XRCC4: variants seen among roughly 807,000 people sequenced by gnomAD.
XRCC4 encodes the protein DNA repair protein XRCC4.
A neutral mutation model predicts 39.1 loss-of-function variants in XRCC4; 28 were observed. The ratio of observed to expected loss-of-function variants is 0.72; its 90% CI spans 0.53 to 0.98. The LOEUF is 0.98. XRCC4 is among the 50% of genes least tolerant of loss of function. XRCC4 has a pLI of 0.00. For synonymous variants in XRCC4, 123 were observed against 126.4 expected, an observed-to-expected ratio of 0.97 and a Z score of 0.18; for missense variants, 350 against 376.4, an observed-to-expected ratio of 0.93 and a Z score of 0.58.
chr5:83,184,020 G>T (rs538453919), intron 3 of XRCC4, among the ~76,000 whole-genome samples: 1 of 152,110 alleles, frequency 6.6e-6, no homozygotes, highest in South Asian at 2.1e-4. Flanking sequence ...GAATTGAAAT[G>T]TATTTTTAGA....
At chr5:83,301,851 G>A (rs988327823) in intron 7 of XRCC4, among the ~76,000 whole-genome samples, 5 of 152,102 alleles carry the variant, frequency 3.3e-5, no homozygotes, top group Non-Finnish European at 7.4e-5. Flanking sequence ...CCCATTGCTT[G>A]TTTTTTCAGG....
At chr5:83,313,162 A>G (rs1755765090) in intron 7 of XRCC4, among the ~76,000 whole-genome samples, 1 of 151,886 alleles carries the variant, frequency 6.6e-6, no homozygotes, top group Non-Finnish European at 1.5e-5. Flanking sequence ...CCATAAATTG[A>G]AAAGTAAAAG....
chr5:83,117,934 C>T (rs1209473560), intron 3 of XRCC4, among the ~76,000 whole-genome samples: 1 of 151,494 alleles, frequency 6.6e-6, no homozygotes, highest in African/African-American at 2.4e-5. Flanking sequence ...GCATTGTGCC[C>T]CTCCCTGTGT....
chr5:83,276,928 A>G (rs1754355721), intron 7 of XRCC4, among the ~76,000 whole-genome samples: 1 of 152,220 alleles, frequency 6.6e-6, no homozygotes. Flanking sequence ...TTGTTTACTT[A>G]TGAATTTTCA....
At chr5:83,116,811 G>A (rs144145036) in intron 3 of XRCC4, among the ~76,000 whole-genome samples, 1,868 of 151,948 alleles carry the variant, frequency 0.012, 34 homozygotes, top group African/African-American at 0.041. Flanking sequence ...TAGTAGAGAC[G>A]GGGTTGTGCC....
intron 3 of XRCC4, among the ~76,000 whole-genome samples, chr5:83,147,003 A>G (rs546040465): frequency 1.3e-5 from 2 of 152,322 alleles, no homozygotes; most frequent in African/African-American, 2.4e-5. Flanking sequence ...CTGAAGTCAG[A>G]TGGTCCTGAC....
In XRCC4 at chr5:83,092,685, T is replaced by A. The variant is rs187799949; in HGVS notation, c.-10-12225T>A. Among the ~76,000 whole-genome samples the A allele has an allele frequency of 8.5e-4, 130 of 152,250 alleles. No individual in the cohort carries two copies. In the Middle Eastern group the frequency reaches 0.01, roughly 12 times the overall value. Reference sequence around the variant, plus strand: ...GGTGTTGAGTTGTATTTAATCAATGTTAAGCTGCTATCAGGTTAAAATAGA... The same window carrying A: ...GGTGTTGAGTTGTATTTAATCAATGATAAGCTGCTATCAGGTTAAAATAGA... On this transcript the variant is annotated intron_variant, in intron 1 of 7. Transcript: ENST00000396027.
At chr5:83,082,566 T>A (rs887225454) in intron 1 of XRCC4, among the ~76,000 whole-genome samples, 6 of 152,196 alleles carry the variant, frequency 3.9e-5, no homozygotes, top group African/African-American at 1.4e-4. Context: ...TAAAAACCTT[T>A]CGTGAATCAT....
chr5:83,161,591 C>A (rs888308084), intron 3 of XRCC4, among the ~76,000 whole-genome samples: 1 of 152,102 alleles, frequency 6.6e-6, no homozygotes, highest in Non-Finnish European at 1.5e-5. Flanking sequence ...TGTTTCATTT[C>A]AATTCAAATT....
chr5:83,213,073 G>A (rs1443897018), intron 6 of XRCC4, among the ~76,000 whole-genome samples: 1 of 151,280 alleles, frequency 6.6e-6, no homozygotes, highest in African/African-American at 2.4e-5. Flanking sequence ...AGCAATGAAG[G>A]ACAGAAGGCA....
intron 6 of XRCC4, among the ~76,000 whole-genome samples, chr5:83,240,417 C>T (rs1473567212): frequency 2.0e-5 from 3 of 152,086 alleles, no homozygotes; most frequent in African/African-American, 7.2e-5. Context: ...TGAACTAAAA[C>T]AGTATCCTCA....
chr5:83,194,880 G>T (rs1007689356), intron 3 of XRCC4, among the ~76,000 whole-genome samples: 1 of 152,040 alleles, frequency 6.6e-6, no homozygotes, highest in Non-Finnish European at 1.5e-5. Flanking sequence ...TGAGTTTACT[G>T]ATCTATAATG....
chr5:83,287,719 A>G (rs921267165), intron 7 of XRCC4, among the ~76,000 whole-genome samples: 1 of 151,872 alleles, frequency 6.6e-6, no homozygotes, highest in Non-Finnish European at 1.5e-5. Flanking sequence ...AATGCATGTC[A>G]TATATTCATC....
intron 7 of XRCC4, chr5:83,310,873 A>C (rs1193747232): frequency 1.1e-5 from 5 of 456,382 alleles, no homozygotes; most frequent in South Asian, 7.7e-5. Context: ...GCTGCCTTTG[A>C]ATAAGGAGGA....
intron 3 of XRCC4, among the ~76,000 whole-genome samples, chr5:83,142,796 A>G (rs532695264): frequency 3.3e-5 from 5 of 152,292 alleles, no homozygotes; most frequent in East Asian, 1.9e-4. Context: ...TCATTTGTAC[A>G]TTGTTTTAAA....
intron 1 of XRCC4, among the ~76,000 whole-genome samples, chr5:83,087,620 GCCACTGTA>G (rs200741380): frequency 0.021 from 3,140 of 151,992 alleles, 40 homozygotes; most frequent in Non-Finnish European, 0.028. Flanking sequence ...CCGAGATGGT[GCCACTGTA>G]CTCCAGTCTG....
intron 3 of XRCC4, among the ~76,000 whole-genome samples, chr5:83,139,387 G>A (rs1405104494): frequency 3.3e-5 from 5 of 152,132 alleles, no homozygotes; most frequent in Non-Finnish European, 1.5e-5. Flanking sequence ...TACTGTGGGT[G>A]ATATTAACTT....
intron 3 of XRCC4, among the ~76,000 whole-genome samples, chr5:83,171,519 A>G (rs911704234): frequency 1.3e-5 from 2 of 152,172 alleles, no homozygotes; most frequent in Admixed American, 6.6e-5. Flanking sequence ...CTCTTGGAAA[A>G]TTAGAAATCT....
chr5:83,136,698 GA>G (rs1747913999), intron 3 of XRCC4, among the ~76,000 whole-genome samples: 2 of 151,820 alleles, frequency 1.3e-5, no homozygotes. Context: ...TTATTGCATA[GA>G]AAAAAAATTT....
Sources: gnomAD v4.1 joint callset for allele counts (sites outside exome capture counted in the v4.1 genomes callset) on GRCh38, gnomAD v4.1.1 for gene constraint, MANE v1.5 for transcripts, NCBI Gene and HGNC (gene_info 2026-07-23, HGNC 2026-07-21) for gene names.